Variants in KIF26B observed in about 807,000 individuals in gnomAD.
KIF26B encodes the protein kinesin-like protein KIF26B.
Under a neutral mutation model 151.2 loss-of-function variants are expected in KIF26B, and 63 were observed. The ratio of observed to expected loss-of-function variants is 0.42; its 90% CI spans 0.34 to 0.51. The LOEUF is 0.51. Ranked by LOEUF, KIF26B falls within the 20% of genes least tolerant of loss-of-function variation. KIF26B has a pLI of 0.07. For missense variants in KIF26B, 2,813 were observed against 2,913.6 expected (o/e 0.97, Z 0.79); for synonymous variants, 1,357 against 1,262.1 (o/e 1.08, Z -1.59).
intron 2 of KIF26B, among the ~76,000 whole-genome samples, chr1:245,201,513 A>G (rs1669300807): frequency 6.6e-6 from 1 of 152,188 alleles, no homozygotes; most frequent in South Asian, 2.1e-4. Context: ...CTAAATTCAG[A>G]AAGGTTGTTA....
chr1:245,334,872 G>A (rs551222733), intron 2 of KIF26B, among the ~76,000 whole-genome samples: 1 of 152,248 alleles, frequency 6.6e-6, no homozygotes, highest in South Asian at 2.1e-4. Context: ...TTTCATAGAT[G>A]AGACCGAAGG....
At chr1:245,492,939 T>C (rs10754454) in intron 4 of KIF26B, among the ~76,000 whole-genome samples, 151,358 of 152,144 alleles carry the variant, frequency 0.99, 75,292 homozygotes, top group Middle Eastern at 1. Flanking sequence ...CCCCACCACA[T>C]CTGGCTAATT....
At chr1:245,661,566 A>ATATG (rs905060677) in intron 10 of KIF26B, among the ~76,000 whole-genome samples, 4 of 151,454 alleles carry the variant, frequency 2.6e-5, no homozygotes, top group African/African-American at 7.3e-5. Flanking sequence ...CCAATGTTAT[A>ATATG]TATATATATA....
intron 9 of KIF26B, among the ~76,000 whole-genome samples, chr1:245,628,911 T>A (rs972533804): frequency 6.6e-6 from 1 of 152,170 alleles, no homozygotes; most frequent in Non-Finnish European, 1.5e-5. Flanking sequence ...ATTCTCAGGA[T>A]ACAAAATCAA....
In KIF26B at chr1:245,702,405, T is replaced by G; in HGVS notation, c.6179-53T>G. 3.1e-6 allele frequency: 5 copies of G among 1,604,702 alleles called. No homozygotes were observed. The highest frequency in any genetic ancestry group is 4.3e-6 in the Non-Finnish European group (5 of 1,173,122). The stretch of plus-strand genomic sequence containing the variant: ...AGCTCCAGGCTGAGCCGTCGGGAGT[T>G]GCTTCTCACCCTGTTTGCTCTGCGT... On this transcript the variant is annotated intron_variant, in intron 14 of 14. Coordinates refer to ENST00000407071, the MANE Select transcript of KIF26B (RefSeq NM_018012.4). This position sits in a 1 kb window ranked among gnomAD's most constrained non-coding sequence, Gnocchi z 4.1.
intron 4 of KIF26B, among the ~76,000 whole-genome samples, chr1:245,528,554 G>A (rs1341149576): frequency 6.6e-6 from 1 of 152,220 alleles, no homozygotes; most frequent in Non-Finnish European, 1.5e-5. Context: ...CTTTGTAGGT[G>A]TGGGTGGAGA....
intron 4 of KIF26B, among the ~76,000 whole-genome samples, chr1:245,464,051 C>A (rs916461851): frequency 6.6e-6 from 1 of 152,180 alleles, no homozygotes; most frequent in Non-Finnish European, 1.5e-5. Context: ...TTTAATCATG[C>A]CATCCCCACC....
At chr1:245,578,381 A>T (rs1164613103) in intron 5 of KIF26B, among the ~76,000 whole-genome samples, 1 of 152,202 alleles carries the variant, frequency 6.6e-6, no homozygotes, top group Non-Finnish European at 1.5e-5. Flanking sequence ...GCAAGTCCTG[A>T]TTCACAGAGT....
chr1:245,411,941 C>T (rs762228008), intron 3 of KIF26B, among the ~76,000 whole-genome samples: 17 of 152,168 alleles, frequency 1.1e-4, no homozygotes, highest in Non-Finnish European at 1.9e-4. Flanking sequence ...AGTGGAACAT[C>T]GGCGTGATCA....
In KIF26B at chr1:245,505,565, A is replaced by C. The variant is rs191932109; in HGVS notation, c.1167-35202A>C. Among the ~76,000 whole-genome samples, 151 of 151,910 alleles carry C rather than the reference A, an allele frequency of 9.9e-4. 2 individuals carry two copies. Among genetic ancestry groups the C allele is most frequent in the South Asian group, 4.4e-3 (21 of 4,800 alleles). On this transcript the variant is annotated intron_variant, in intron 4 of 14. Coordinates refer to ENST00000407071, the MANE Select transcript of KIF26B (RefSeq NM_018012.4). ...ACGCCCTGCTGATTTTTGTATTTGT[A>C]GTAGAGACGGGGTTTCACCGTGTTG... is the stretch of plus-strand genomic sequence containing the variant.
At chr1:245,234,194 A>G (rs75013744) in intron 2 of KIF26B, among the ~76,000 whole-genome samples, 1 of 152,134 alleles carries the variant, frequency 6.6e-6, no homozygotes, top group Admixed American at 6.5e-5. Context: ...AAAAAAAAAA[A>G]GAAAGAAAAG....
chr1:245,362,221 C>T (rs978022832), intron 2 of KIF26B, among the ~76,000 whole-genome samples: 10 of 151,468 alleles, frequency 6.6e-5, no homozygotes, highest in African/African-American at 2.4e-4. Context: ...TGGTAAGCAT[C>T]GACGAACAAA....
chr1:245,390,174 G>GGTT (rs1349872398), intron 3 of KIF26B, among the ~76,000 whole-genome samples: 1 of 64,056 alleles, frequency 1.6e-5, no homozygotes, highest in Non-Finnish European at 3.0e-5. Context: ...ATATTTGGAG[G>GGTT]GTTTTTTTTT....
At chr1:245,229,994 G>A (rs146913389) in intron 2 of KIF26B, among the ~76,000 whole-genome samples, 63 of 152,180 alleles carry the variant, frequency 4.1e-4, no homozygotes, top group African/African-American at 1.5e-3. Context: ...TTAGCTGGGC[G>A]TGGCGGCACA....
rs1037500318 is a variant in KIF26B, at chr1:245,330,134, C to T, written c.466-36700C>T. On this transcript the variant is annotated intron_variant, in intron 2 of 14. Coordinates refer to ENST00000407071, the MANE Select transcript of KIF26B (RefSeq NM_018012.4). ...TTAGGAGCTGAGTTATCTGAGCAGA[C>T]ACAGTCCACTGTCTGGTCCCAAGGC... 2.0e-5 allele frequency among the ~76,000 whole-genome samples: 3 copies of T among 151,736 alleles called. No homozygotes were observed. In the East Asian group the frequency reaches 6.0e-4, roughly 30 times the overall value.
chr1:245,530,953 C>T (rs1003539397), intron 4 of KIF26B, among the ~76,000 whole-genome samples: 9 of 152,186 alleles, frequency 5.9e-5, no homozygotes, highest in African/African-American at 1.4e-4. Context: ...TCGTTTTAAG[C>T]AGCTTCCAGC....
Position 245,540,337 on chromosome 1 carries a change from A to C in KIF26B, c.1167-430A>C, listed in dbSNP as rs1188206191. 6.6e-6 allele frequency among the ~76,000 whole-genome samples: 1 copy of C among 152,174 alleles called. No homozygotes were observed. The highest frequency in any genetic ancestry group is 1.5e-5 in the Non-Finnish European group (1 of 68,028). ...TTGACTGGTCTCCACATCGTTCTTCATCAGACTGGTTTGGATTTTACAAGG... is the reference window on the plus strand; with the variant it reads ...TTGACTGGTCTCCACATCGTTCTTCCTCAGACTGGTTTGGATTTTACAAGG... On this transcript the variant is annotated intron_variant, in intron 4 of 14. Coordinates refer to ENST00000407071, the MANE Select transcript of KIF26B (RefSeq NM_018012.4). The surrounding 1 kb of genome is among the most constrained non-coding windows in gnomAD (Gnocchi z 4.6).
At chr1:245,339,847 A>G (rs1672303440) in intron 2 of KIF26B, among the ~76,000 whole-genome samples, 1 of 152,212 alleles carries the variant, frequency 6.6e-6, no homozygotes, top group South Asian at 2.1e-4. Flanking sequence ...AGTGTGGATT[A>G]TGACAGTCCT....
intron 3 of KIF26B, among the ~76,000 whole-genome samples, chr1:245,399,280 T>C (rs908819489): frequency 6.6e-6 from 1 of 152,190 alleles, no homozygotes; most frequent in Non-Finnish European, 1.5e-5. Flanking sequence ...AATCATCCTT[T>C]CGTTCACTTG....
Sources: gnomAD v4.1 joint callset for allele counts (sites outside exome capture counted in the v4.1 genomes callset) on GRCh38, gnomAD v4.1.1 for gene constraint, Gnocchi (gnomAD v3.1) non-coding constraint, MANE v1.5 for transcripts, NCBI Gene and HGNC (gene_info 2026-07-23, HGNC 2026-07-21) for gene names.